ZSCAN21: variants seen among roughly 807,000 people sequenced by gnomAD.
ZSCAN21 encodes the protein zinc finger and SCAN domain containing 21, also known as zinc finger and SCAN domain-containing protein 21.
In ZSCAN21, 26 loss-of-function variants were observed where a neutral mutation model predicts 35.6. The ratio of observed to expected loss-of-function variants is 0.73; its 90% CI spans 0.54 to 1.01. The LOEUF (loss-of-function observed/expected upper bound fraction) is 1.01, where lower values mean the gene tolerates loss of function less well. ZSCAN21 is among the 50% of genes least tolerant of loss of function. The pLI, the probability that ZSCAN21 is intolerant of heterozygous loss-of-function variation, is 0.00. For synonymous variants in ZSCAN21, 219 were observed against 219.3 expected (o/e 1.00, Z 0.01); for missense variants, 593 against 587.1 (o/e 1.01, Z -0.10).
intron 3 of ZSCAN21, among the ~76,000 whole-genome samples, chr7:100,059,786 C>T (rs965504769): frequency 5.3e-5 from 8 of 151,538 alleles, no homozygotes; most frequent in African/African-American, 9.7e-5. Flanking sequence ...ATCGGCTCAC[C>T]GCAACCTCCG....
At chr7:100,062,166 G>C (rs1464989806) in intron 3 of ZSCAN21, among the ~76,000 whole-genome samples, 1 of 151,794 alleles carries the variant, frequency 6.6e-6, no homozygotes, top group African/African-American at 2.4e-5. Flanking sequence ...GGGAACATGG[G>C]TTTTTGTGAG....
chr7:100,057,229 A>ATTC lies in ZSCAN21; in HGVS notation c.223_224insTTC (p.Leu74_Arg75insIle). 1 of 1,589,648 alleles carries ATTC rather than the reference A, an allele frequency of 6.3e-7. No homozygotes were observed. Among genetic ancestry groups the ATTC allele is most frequent in the Non-Finnish European group, 8.6e-7 (1 of 1,168,360 alleles). On this transcript the variant is annotated inframe_insertion, in exon 2 of 4. Coordinates refer to ENST00000292450, the MANE Select transcript of ZSCAN21 (RefSeq NM_145914.3). ...CCGGGTGCTCTGCTGTGAGTGGCTG[A>ATTC]GGCCCGAGATCCACACCAAGGAGCA...
At chr7:100,062,588 T>C (rs976678341) in intron 3 of ZSCAN21, among the ~76,000 whole-genome samples, 5 of 122,720 alleles carry the variant, frequency 4.1e-5, no homozygotes, top group Admixed American at 8.9e-5. Flanking sequence ...GGAGCAAAAC[T>C]CCATCTCAAA....
chr7:100,063,917 G>T lies in ZSCAN21; in HGVS notation c.722G>T (p.Cys241Phe). The change falls in exon 4 of 4, where the codon TGC becomes TTC. Residue 241 changes from cysteine to phenylalanine, a missense_variant. Cys to Phe is a radical substitution (Grantham distance 205). Transcript: ENST00000292450. The stretch of plus-strand genomic sequence containing the variant: ...CCTGAGGCCAGCTTAGAGAGGCAGT[G>T]CGTAAACCTTGAAAATGAAAAAGGA... ...NKPEASLERQ[C>F]VNLENEKGTK... 6.2e-7 allele frequency: 1 copy of T among 1,614,154 alleles called. No homozygotes were observed. The highest frequency in any genetic ancestry group is 1.1e-5 in the South Asian group (1 of 91,088).
chr7:100,053,157 A>G (rs908617078), intron 1 of ZSCAN21, among the ~76,000 whole-genome samples: 1 of 151,740 alleles, frequency 6.6e-6, no homozygotes, highest in Non-Finnish European at 1.5e-5. Context: ...TGATGTGCCT[A>G]GAATAAATCA....
At chr7:100,057,466 C>G in intron 2 of ZSCAN21, 61 bp downstream of exon 2, 1 of 1,498,048 alleles carries the variant, frequency 6.7e-7, no homozygotes, top group Non-Finnish European at 8.9e-7. Context: ...TAGGCAGGAA[C>G]AAGGGTTTGT....
intron 1 of ZSCAN21, among the ~76,000 whole-genome samples, chr7:100,053,547 T>TACATACATAG (rs1491459059): frequency 1.6e-4 from 3 of 18,634 alleles, no homozygotes; most frequent in Admixed American, 6.2e-4. Context: ...ACATACATAA[T>TACATACATAG]TTTTTTTTTT....
In ZSCAN21 at chr7:100,064,560, C is replaced by G. The variant is rs1486892923; in HGVS notation, c.1365C>G (p.Ser455Arg). The G allele has an allele frequency of 1.9e-6, 3 of 1,614,090 alleles. No individual in the cohort carries two copies. The highest frequency in any genetic ancestry group is 1.3e-5 in the African/African-American group (1 of 74,934). Reference protein sequence around the residue: ...WCHHCGKTFCSKSNLSKHQRV... With the variant: ...WCHHCGKTFCRKSNLSKHQRV... ...ATCACTGTGGAAAGACCTTCTGTAG[C>G]AAGTCCAATCTTTCCAAACATCAGC... Residue 455 changes from serine (S) to arginine (R), a missense_variant, in exon 4 of 4, where the codon AGC becomes AGG. Coordinates refer to ENST00000292450, the MANE Select transcript of ZSCAN21 (RefSeq NM_145914.3).
chr7:100,057,032 C>T lies in ZSCAN21; in HGVS notation c.26C>T (p.Ala9Val). Residue 9 changes from alanine to valine, a missense_variant, in exon 2 of 4, where the codon GCC (alanine) becomes GTC (valine). Coordinates refer to ENST00000292450, the MANE Select transcript of ZSCAN21 (RefSeq NM_145914.3). ...ATGATGACCAAGGTACTAGGCATGG[C>T]CCCAGTTCTGGGCCCTAGGCCTCCA... is the stretch of plus-strand genomic sequence containing the variant. The part of the protein sequence containing the change: MMTKVLGM[A>V]PVLGPRPPQE... 5 of 1,612,542 alleles carry T rather than the reference C, an allele frequency of 3.1e-6. No homozygotes were observed. Among genetic ancestry groups the T allele is most frequent in the Non-Finnish European group, 4.2e-6 (5 of 1,179,312 alleles).
Position 100,064,516 on chromosome 7 carries a change from GA to G in ZSCAN21, c.1325del (p.Lys442SerfsTer44). ...FNKHHRIHTG[E>X]KPYWCHHCGK... ...TAAACACCACAGAATCCACACCGGG[GA>G]AAAGCCCTACTGGTGTCATCACTGT... On this transcript the variant is annotated frameshift_variant, in exon 4 of 4. Transcript: ENST00000292450. LOFTEE classifies it high-confidence loss of function. 6.2e-7 allele frequency: 1 copy of G among 1,614,156 alleles called. No individual in the cohort carries two copies.
intron 3 of ZSCAN21, among the ~76,000 whole-genome samples, chr7:100,061,637 G>A (rs1350645063): frequency 6.6e-6 from 1 of 152,220 alleles, no homozygotes; most frequent in Non-Finnish European, 1.5e-5. Context: ...TGGAGAGTGT[G>A]AAGGACTTCA....
Position 100,064,594 on chromosome 7 carries a change from A to T in ZSCAN21, c.1399A>T (p.Thr467Ser), listed in dbSNP as rs745571007. The stretch of plus-strand genomic sequence containing the variant: ...TCTTTCCAAACATCAGCGAGTCCAC[A>T]CTGGAGAGGGAGAAGCACCGTAACT... ...SNLSKHQRVH[T>S]GEGEAP The change falls in exon 4 of 4, where the codon ACT (threonine) becomes TCT (serine). Residue 467 changes from threonine to serine, a missense_variant. Transcript: ENST00000292450. The T allele has an allele frequency of 3.7e-6, 6 of 1,614,094 alleles. No homozygotes were observed. The South Asian group carries it at 6.6e-5, about 18-fold the overall frequency.
At position 100,057,420 on chromosome 7, in the gene ZSCAN21, C is replaced by T. The variant is rs202203677; in HGVS notation, c.399+15C>T. On this transcript the variant is annotated intron_variant, in intron 2 of 3. Transcript: ENST00000292450. ...CAGGACACCAGGTAGGCAGGAGAGA[C>T]CTTTGTTATTCTAGGAGATTGGGAG... is the stretch of plus-strand genomic sequence containing the variant. 1.3e-6 allele frequency: 2 copies of T among 1,522,556 alleles called. No individual in the cohort carries two copies. Among genetic ancestry groups the T allele is most frequent in the Non-Finnish European group, 1.8e-6 (2 of 1,139,272 alleles). The allele number at this position is 1,522,556 out of a possible 1,614,324, so 94.3% of individuals were successfully genotyped here. A position where few individuals can be genotyped will look rare whatever the true frequency, so the allele number is the denominator to read the frequency against.
intron 1 of ZSCAN21, among the ~76,000 whole-genome samples, chr7:100,053,123 C>G (rs1791945770): frequency 7.0e-6 from 1 of 143,560 alleles, no homozygotes; most frequent in Admixed American, 7.1e-5. Context: ...GAGACTCCAT[C>G]TCAAAAAAAA....
intron 1 of ZSCAN21, among the ~76,000 whole-genome samples, chr7:100,050,516 G>T (rs1314153876): frequency 1.3e-5 from 2 of 152,054 alleles, no homozygotes; most frequent in Non-Finnish European, 2.9e-5. Context: ...AGACCAGCCT[G>T]GCCAAACCCT....
Position 100,057,869 on chromosome 7 carries a change from C to G in ZSCAN21, c.571C>G (p.Gln191Glu). Reference protein sequence around the residue: ...QESGEEQEFAQDPRKVRDCRL... With the variant: ...QESGEEQEFAEDPRKVRDCRL... ...GTCTGGTGAGGAGCAGGAGTTCGCTCAAGATCCAAGAAAGGTCCGAGGTGA... is the reference window on the plus strand; with the variant it reads ...GTCTGGTGAGGAGCAGGAGTTCGCTGAAGATCCAAGAAAGGTCCGAGGTGA... Residue 191 changes from glutamine to glutamate, a missense_variant, in exon 3 of 4, where the codon CAA becomes GAA. Transcript: ENST00000292450. The G allele has an allele frequency of 6.2e-7, 1 of 1,610,086 alleles. No individual in the cohort carries two copies.
intron 1 of ZSCAN21, among the ~76,000 whole-genome samples, chr7:100,053,264 C>A (rs1584369438): frequency 2.0e-5 from 3 of 152,030 alleles, no homozygotes; most frequent in Non-Finnish European, 4.4e-5. Context: ...GATCCAGTGG[C>A]ATCTGTGAAT....
intron 2 of ZSCAN21, 96 bp downstream of exon 2, chr7:100,057,501 G>A (rs1792121612): frequency 2.1e-6 from 3 of 1,455,034 alleles, no homozygotes; most frequent in African/African-American, 1.4e-5. Context: ...TTGCTGAATG[G>A]AAATTTCTGC....
chr7:100,063,926 TTGAAAA>T lies in ZSCAN21; in HGVS notation c.738_743del (p.Asn246_Glu247del), dbSNP rs775011503. The T allele has an allele frequency of 1.1e-5, 17 of 1,613,866 alleles. No homozygotes were observed. The highest frequency in any genetic ancestry group is 9.3e-5 in the African/African-American group (7 of 74,868). On this transcript the variant is annotated inframe_deletion, in exon 4 of 4. Coordinates refer to ENST00000292450, the MANE Select transcript of ZSCAN21 (RefSeq NM_145914.3). ...AGCTTAGAGAGGCAGTGCGTAAACC[TTGAAAA>T]TGAAAAAGGAACAAAACCCCCTCTT...
Sources: allele counts gnomAD v4.1 joint callset (sites outside exome capture counted in the v4.1 genomes callset), GRCh38; gene constraint gnomAD v4.1.1; transcripts MANE v1.5; gene names NCBI Gene and HGNC (gene_info 2026-07-23, HGNC 2026-07-21).